IARS2: variants seen among roughly 807,000 people sequenced by gnomAD.
IARS2 encodes the protein isoleucyl-tRNA synthetase 2, mitochondrial.
Under a neutral mutation model 126.3 loss-of-function variants are expected in IARS2, and 56 were observed. That is an observed-to-expected ratio of 0.44 (90% CI 0.36 to 0.55). IARS2 has a LOEUF of 0.55. Ranked by LOEUF, IARS2 falls within the 20% of genes least tolerant of loss-of-function variation. IARS2 has a pLI of 0.00. For missense variants in IARS2, 1,127 were observed against 1,245.9 expected (o/e 0.90, Z 1.44); for synonymous variants, 407 against 441.1 (o/e 0.92, Z 0.97).
At chr1:220,138,704 C>T (rs1466591252) in intron 17 of IARS2, among the ~76,000 whole-genome samples, 2 of 151,954 alleles carry the variant, frequency 1.3e-5, no homozygotes, top group Admixed American at 6.6e-5. Flanking sequence ...ATTATTCTGA[C>T]CCACACACAT....
chr1:220,121,530 A>T (rs952188569), intron 12 of IARS2, among the ~76,000 whole-genome samples: 10 of 152,318 alleles, frequency 6.6e-5, no homozygotes, highest in Admixed American at 6.5e-4. Context: ...TATGCTCAGT[A>T]GGTTACTTGA....
intron 21 of IARS2, chr1:220,143,393 C>T (rs1358894408): frequency 7.7e-6 from 2 of 261,214 alleles, no homozygotes; most frequent in African/African-American, 4.4e-5. Flanking sequence ...TTTCCGTCTT[C>T]TAATCCTGAT....
chr1:220,147,416 C>A, intron 22 of IARS2, 77 bp from the exon 23 acceptor site: 1 of 1,394,354 alleles, frequency 7.2e-7, no homozygotes, highest in Non-Finnish European at 1.0e-6. Flanking sequence ...GAAAAAGAAG[C>A]CTCTGCTAAA....
chr1:220,102,277 G>T lies in IARS2; in HGVS notation c.699G>T (p.Lys233Asn). 6.2e-7 allele frequency: 1 copy of T among 1,605,194 alleles called. No homozygotes were observed. Among genetic ancestry groups the T allele is most frequent in the East Asian group, 2.2e-5 (1 of 44,818 alleles). Residue 233 changes from lysine to asparagine, a missense_variant and splice_region_variant, in exon 4 of 23, where the codon AAG becomes AAT. Lys to Asn is a moderately conservative substitution (Grantham distance 94). Transcript: ENST00000366922. Reference protein sequence around the residue: ...QLRTFYQMYDKGLVYRSYKPV... With the variant: ...QLRTFYQMYDNGLVYRSYKPV... ...GAACTTTTTACCAAATGTATGATAA[G>T]GTAAAGAAGTATTTTTTCTCTTTGA...
intron 3 of IARS2, among the ~76,000 whole-genome samples, chr1:220,101,816 C>T (rs1656579286): frequency 6.6e-6 from 1 of 152,044 alleles, no homozygotes. Context: ...CTGGCTGACA[C>T]AGTGAAACCC....
chr1:220,135,533 T>C (rs971708253), intron 15 of IARS2, among the ~76,000 whole-genome samples: 7 of 152,098 alleles, frequency 4.6e-5, no homozygotes, highest in Admixed American at 4.6e-4. Flanking sequence ...CTAATTTTTG[T>C]ACTTTTAATA....
Position 220,112,223 on chromosome 1 carries a change from T to C in IARS2, c.1479+1286T>C, listed in dbSNP as rs1310569540. Among the ~76,000 whole-genome samples the C allele has an allele frequency of 3.0e-5, 2 of 66,384 alleles. 1 individual carries two copies. Among genetic ancestry groups the C allele is most frequent in the Admixed American group, 3.0e-4 (2 of 6,620 alleles). The allele number at this position is 66,384 out of a possible 152,430, so 43.6% of individuals were successfully genotyped here. A position where few individuals can be genotyped will look rare whatever the true frequency, so the allele number is the denominator to read the frequency against. ...AATCTCGGCTCACTGCAAGCTCCGC[T>C]TCCCGGGTTCACGCCATTCTCCTGC... On this transcript the variant is annotated intron_variant, in intron 11 of 22. Transcript: ENST00000366922.
intron 12 of IARS2, among the ~76,000 whole-genome samples, chr1:220,124,733 A>G (rs1358688432): frequency 6.6e-6 from 1 of 152,226 alleles, no homozygotes; most frequent in Non-Finnish European, 1.5e-5. Flanking sequence ...GAAAGTTTTC[A>G]AGCAGAGAAT....
At chr1:220,143,523 G>T (rs1410416693) in intron 21 of IARS2, among the ~76,000 whole-genome samples, 1 of 152,098 alleles carries the variant, frequency 6.6e-6, no homozygotes, top group Non-Finnish European at 1.5e-5. Flanking sequence ...AATAGATAAA[G>T]TTCTGTTTCA....
At chr1:220,111,588 ATATATATATATGTGTG>A (rs1010903615) in intron 11 of IARS2, among the ~76,000 whole-genome samples, 17 of 144,042 alleles carry the variant, frequency 1.2e-4, no homozygotes, top group African/African-American at 4.2e-4. Context: ...ATATATATAT[ATATATATATATGTGTG>A]TGTGTGTGTG....
At chr1:220,109,418 T>C (rs1234046656) in intron 10 of IARS2, among the ~76,000 whole-genome samples, 6 of 150,182 alleles carry the variant, frequency 4.0e-5, no homozygotes, top group Non-Finnish European at 8.9e-5. Flanking sequence ...AAAAAAAATC[T>C]GCCAGCTCAC....
Position 220,141,862 on chromosome 1 carries a change from A to G in IARS2, c.2474A>G (p.Glu825Gly), listed in dbSNP as rs1418147279. Reference protein sequence around the residue: ...KRRSCQTALVEILDVIVRSFA... With the variant: ...KRRSCQTALVGILDVIVRSFA... ...CGCTCTTGTCAGACTGCATTAGTTG[A>G]AATTTTGGATGTAATAGTTCGTTCT... is the stretch of plus-strand genomic sequence containing the variant. The change falls in exon 20 of 23, where the codon GAA becomes GGA. Residue 825 changes from glutamate (E) to glycine (G), a missense_variant. By Grantham distance (98) the Glu-to-Gly change is moderately conservative. Transcript: ENST00000366922. 1 of 1,614,192 alleles carries G rather than the reference A, an allele frequency of 6.2e-7. No individual in the cohort carries two copies. The highest frequency in any genetic ancestry group is 8.5e-7 in the Non-Finnish European group (1 of 1,180,038).
intron 2 of IARS2, 63 bp downstream of exon 2, chr1:220,096,289 G>A (rs1247337675): frequency 9.9e-7 from 1 of 1,012,562 alleles, no homozygotes; most frequent in Non-Finnish European, 1.4e-6. Context: ...CTTTATAAAT[G>A]TGTATTCTAA....
In IARS2 at chr1:220,145,543, AGTT is replaced by A; in HGVS notation, c.2788_2790del (p.Leu930del). The A allele has an allele frequency of 1.2e-6, 2 of 1,613,754 alleles. No homozygotes were observed. Among genetic ancestry groups the A allele is most frequent in the Non-Finnish European group, 1.7e-6 (2 of 1,179,740 alleles). On this transcript the variant is annotated inframe_deletion, in exon 22 of 23. Transcript: ENST00000366922. ...TCTGAAGAGACTTCCAGCACCTCTC[AGTT>A]GAATGAATTAATGATGGCTTCTGAG...
chr1:220,101,119 T>C (rs1656561682), intron 3 of IARS2, among the ~76,000 whole-genome samples: 1 of 152,202 alleles, frequency 6.6e-6, no homozygotes, highest in Non-Finnish European at 1.5e-5. Flanking sequence ...TGAAGATTTT[T>C]TTACTTCCTT....
At chr1:220,142,065 C>A in intron 20 of IARS2, 117 bp downstream of exon 20, 1 of 928,032 alleles carries the variant, frequency 1.1e-6, no homozygotes, top group Non-Finnish European at 1.6e-6. Context: ...TGCTGTGTGA[C>A]ACAGTGTGTC....
Position 220,094,308 on chromosome 1 carries a change from C to G in IARS2, c.92C>G (p.Pro31Arg), listed in dbSNP as rs746992877. ...LWGTPRLPCSPGWQGATKRLL... is the reference protein window; with the variant it reads ...LWGTPRLPCSRGWQGATKRLL... ...GGGACGCCCCGCCTTCCCTGCAGCC[C>G]GGGATGGCAAGGGGCGACGAAGAGG... The change falls in exon 1 of 23, where the codon CCG becomes CGG. Residue 31 changes from proline (P) to arginine (R), a missense_variant. Physicochemically the swap from Pro to Arg is moderately radical, Grantham distance 103 (BLOSUM62 -2). Coordinates refer to ENST00000366922, the MANE Select transcript of IARS2 (RefSeq NM_018060.4). 6.2e-7 allele frequency: 1 copy of G among 1,612,396 alleles called. No homozygotes were observed. The highest frequency in any genetic ancestry group is 8.5e-7 in the Non-Finnish European group (1 of 1,179,416).
chr1:220,109,800 G>A (rs1481741074), intron 10 of IARS2, among the ~76,000 whole-genome samples: 1 of 152,156 alleles, frequency 6.6e-6, no homozygotes, highest in Non-Finnish European at 1.5e-5. Context: ...TCTTCTTGGG[G>A]ACACAGTTCA....
chr1:220,117,184 C>CTTTTTTTTTTTTTTTTT (rs1192537887), intron 12 of IARS2, among the ~76,000 whole-genome samples: 2 of 48,462 alleles, frequency 4.1e-5, no homozygotes, highest in Admixed American at 3.0e-4. Flanking sequence ...GTCTCCTCTT[C>CTTTTTTTTTTTTTTTTT]TTTTTTTTTT....
Sources: gnomAD v4.1 joint callset for allele counts (sites outside exome capture counted in the v4.1 genomes callset) on GRCh38, gnomAD v4.1.1 for gene constraint, MANE v1.5 for transcripts, NCBI Gene and HGNC (gene_info 2026-07-23, HGNC 2026-07-21) for gene names.